Variants in ZNF892 observed in about 807,000 individuals in gnomAD.
The protein encoded by ZNF892 is zinc finger protein 570-like.
the ZNF892 span, among the ~76,000 whole-genome samples, chr2:95,223,236 T>C: frequency 6.6e-6 from 1 of 152,256 alleles, no homozygotes; most frequent in East Asian, 1.9e-4. Flanking sequence ...TATTTGTCTA[T>C]ATATTATGTC....
the ZNF892 span, among the ~76,000 whole-genome samples, chr2:95,254,010 A>G: frequency 3.9e-5 from 6 of 152,228 alleles, no homozygotes; most frequent in African/African-American, 1.2e-4. Context: ...TAGATATACA[A>G]TCATGTCATC....
At chr2:95,223,834 C>T in the ZNF892 span, among the ~76,000 whole-genome samples, 1 of 152,220 alleles carries the variant, frequency 6.6e-6, no homozygotes, top group Admixed American at 6.5e-5. Flanking sequence ...AAACTTTTAG[C>T]TATAACTTCT....
the ZNF892 span, among the ~76,000 whole-genome samples, chr2:95,230,571 T>G: frequency 2.0e-4 from 30 of 152,206 alleles, no homozygotes; most frequent in African/African-American, 7.0e-4. Context: ...GCTGTCTGCA[T>G]TGGGAACATT....
chr2:95,207,571 T>C, the ZNF892 span: 4 of 379,074 alleles, frequency 1.1e-5, no homozygotes, highest in Non-Finnish European at 1.4e-5. Flanking sequence ...GGCTGTTAGA[T>C]GCCTTTGTCG....
chr2:95,259,201 G>A, the ZNF892 span: 9 of 152,458 alleles, frequency 5.9e-5, no homozygotes, highest in Admixed American at 5.2e-4. Flanking sequence ...GAGTGCCCTC[G>A]TTGCATCTGC....
chr2:95,218,488 T>C, the ZNF892 span, among the ~76,000 whole-genome samples: 1 of 152,214 alleles, frequency 6.6e-6, no homozygotes, highest in East Asian at 1.9e-4. Flanking sequence ...ATGTACCTCA[T>C]TGCCATCTGA....
chr2:95,228,564 TAATAA>T, the ZNF892 span, among the ~76,000 whole-genome samples: 1 of 152,236 alleles, frequency 6.6e-6, no homozygotes, highest in Non-Finnish European at 1.5e-5. Context: ...CCTTTGTACT[TAATAA>T]AATAATCTAT....
At chr2:95,214,574 G>C in the ZNF892 span, 1 of 398,644 alleles carries the variant, frequency 2.5e-6, no homozygotes, top group African/African-American at 2.1e-5. Context: ...ATTGCACTCA[G>C]AGGTCCTTAC....
chr2:95,250,794 A>C, the ZNF892 span, among the ~76,000 whole-genome samples: 1 of 145,612 alleles, frequency 6.9e-6, no homozygotes, highest in Non-Finnish European at 1.5e-5. Context: ...TATAAATATA[A>C]AATATTCATA....
At chr2:95,233,940 A>T in the ZNF892 span, among the ~76,000 whole-genome samples, 1 of 152,218 alleles carries the variant, frequency 6.6e-6, no homozygotes, top group Non-Finnish European at 1.5e-5. Flanking sequence ...TTGGCCTCCC[A>T]AAGTGCTGGG....
the ZNF892 span, chr2:95,212,051 A>G: frequency 1.5e-5 from 6 of 396,692 alleles, no homozygotes; most frequent in African/African-American, 6.2e-5. Flanking sequence ...TCAAACCCCT[A>G]TCAATCTTCC....
the ZNF892 span, among the ~76,000 whole-genome samples, chr2:95,228,429 TA>T: frequency 1.3e-5 from 2 of 152,284 alleles, no homozygotes; most frequent in South Asian, 2.1e-4. Flanking sequence ...ACCCTGTTTT[TA>T]AAAAAATTTT....
At chr2:95,235,293 G>A in the ZNF892 span, among the ~76,000 whole-genome samples, 2 of 151,836 alleles carry the variant, frequency 1.3e-5, no homozygotes, top group African/African-American at 4.8e-5. Context: ...GACAGCAGTT[G>A]TAGTTTAATG....
chr2:95,248,448 C>T, the ZNF892 span, among the ~76,000 whole-genome samples: 2 of 152,158 alleles, frequency 1.3e-5, no homozygotes, highest in Admixed American at 6.5e-5. Flanking sequence ...CATCATGGAA[C>T]ATACCCAGGT....
chr2:95,252,157 C>T, the ZNF892 span, among the ~76,000 whole-genome samples: 1 of 152,096 alleles, frequency 6.6e-6, no homozygotes, highest in Non-Finnish European at 1.5e-5. Context: ...CATATGTATA[C>T]ATGTGCCATG....
the ZNF892 span, among the ~76,000 whole-genome samples, chr2:95,240,436 T>A: frequency 3.3e-5 from 5 of 152,146 alleles, no homozygotes; most frequent in Non-Finnish European, 7.3e-5. Context: ...CTCCCATGGA[T>A]CTTTGCAACT....
the ZNF892 span, among the ~76,000 whole-genome samples, chr2:95,226,020 C>T: frequency 5.3e-5 from 8 of 152,160 alleles, no homozygotes; most frequent in African/African-American, 1.9e-4. Flanking sequence ...TGGTGTTGCA[C>T]ACTGGTAGCT....
chr2:95,250,252 A>T, the ZNF892 span, among the ~76,000 whole-genome samples: 1 of 152,040 alleles, frequency 6.6e-6, no homozygotes, highest in South Asian at 2.1e-4. Context: ...AATCTTGAAC[A>T]TCTAGTAAAG....
At chr2:95,224,217 C>T in the ZNF892 span, among the ~76,000 whole-genome samples, 1 of 152,328 alleles carries the variant, frequency 6.6e-6, no homozygotes, top group Admixed American at 6.5e-5. Context: ...CTCCTAACTC[C>T]TCTATTCTCC....
Sources: allele counts gnomAD v4.1 joint callset (sites outside exome capture counted in the v4.1 genomes callset), GRCh38; gene constraint gnomAD v4.1.1; transcripts MANE v1.5; gene names NCBI Gene and HGNC (gene_info 2026-07-23, HGNC 2026-07-21).